The following PPL variants were observed in gnomAD, a reference collection of about 807,000 sequenced individuals.
PPL encodes the protein periplakin.
Under a neutral mutation model 194.4 loss-of-function variants are expected in PPL, and 198 were observed. The observed-to-expected ratio is 1.02, with a 90% CI of 0.91 to 1.15. PPL has a LOEUF of 1.15. Among genes scored for constraint, PPL ranks in the 50% most tolerant of loss-of-function variants. The pLI is 0.00. For missense variants in PPL, 2,885 were observed against 2,294.8 expected, an observed-to-expected ratio of 1.26 and a Z score of -5.25; for synonymous variants, 1,220 against 972.4, an observed-to-expected ratio of 1.25 and a Z score of -4.74.
intron 6 of PPL, among the ~76,000 whole-genome samples, chr16:4,900,434 C>CTTTTTTTATTTTT (rs2088538228): frequency 4.9e-5 from 3 of 61,678 alleles, no homozygotes; most frequent in Non-Finnish European, 6.1e-5. Context: ...TACTGCACGC[C>CTTTTTTTATTTTT]TTTTTTTTTT....
At position 4,887,182 on chromosome 16, in the gene PPL, T is replaced by G. The variant is rs1410598883; in HGVS notation, c.2560A>C (p.Arg854=). ...AACTCCAGATTCTGCAGCCTCTGTC[T>G]GTTGATGGCATAAACTTCAGTGAAC... ...AKFTEVYAIN[R]QRLQNLEFAL... The change falls in exon 21 of 22, where the codon AGA becomes CGA. Residue 854 remains arginine (R), a synonymous_variant. Coordinates refer to ENST00000345988, the MANE Select transcript of PPL (RefSeq NM_002705.5). The G allele has an allele frequency of 3.1e-6, 5 of 1,614,088 alleles. No homozygotes were observed. The highest frequency in any genetic ancestry group is 4.2e-6 in the Non-Finnish European group (5 of 1,180,006).
intron 6 of PPL, among the ~76,000 whole-genome samples, chr16:4,900,114 C>T (rs757880155): frequency 6.6e-6 from 1 of 152,248 alleles, no homozygotes; most frequent in South Asian, 2.1e-4. Context: ...CTCCTTATAG[C>T]GACACAATGC....
At position 4,894,480 on chromosome 16, in the gene PPL, C is replaced by G; in HGVS notation, c.1381G>C (p.Ala461Pro). 1.2e-6 allele frequency: 2 copies of G among 1,613,878 alleles called. No homozygotes were observed. Among genetic ancestry groups the G allele is most frequent in the Non-Finnish European group, 1.7e-6 (2 of 1,179,960 alleles). Residue 461 changes from alanine to proline, a missense_variant, in exon 12 of 22, where the codon GCT becomes CCT. Coordinates refer to ENST00000345988, the MANE Select transcript of PPL (RefSeq NM_002705.5). Reference protein sequence around the residue: ...VIPPTDPEALALADSLGSQYR... With the variant: ...VIPPTDPEALPLADSLGSQYR... ...TTGCCCTTGTACCTGTCAGCCAGAGCCAGGGCCTCAGGGTCTGTGGGGGGG... is the reference window on the plus strand; with the variant it reads ...TTGCCCTTGTACCTGTCAGCCAGAGGCAGGGCCTCAGGGTCTGTGGGGGGG...
chr16:4,908,601 C>T (rs2088753170), intron 2 of PPL, among the ~76,000 whole-genome samples: 1 of 152,104 alleles, frequency 6.6e-6, no homozygotes, highest in South Asian at 2.1e-4. Context: ...GCAGTGGTGT[C>T]ATCTCTGCTC....
At chr16:4,889,867 T>C (rs1395798864) in intron 18 of PPL, among the ~76,000 whole-genome samples, 1 of 152,188 alleles carries the variant, frequency 6.6e-6, no homozygotes, top group Non-Finnish European at 1.5e-5. Context: ...GTCCCAACTT[T>C]GAAAATGGGA....
In PPL at chr16:4,902,632, T is replaced by C; in HGVS notation, c.318-106A>G. ...GCCTCAGTGTCCTGGAAGGACACAG[T>C]GACCATATGGCCTTGGGTTCCAGAC... On this transcript the variant is annotated intron_variant, in intron 3 of 21. Coordinates refer to ENST00000345988, the MANE Select transcript of PPL (RefSeq NM_002705.5). The surrounding 1 kb of genome is among the most constrained non-coding windows in gnomAD (Gnocchi z 4.0). 7.7e-7 allele frequency: 1 copy of C among 1,292,602 alleles called. No individual in the cohort carries two copies. The highest frequency in any genetic ancestry group is 2.5e-5 in the East Asian group (1 of 40,572). 80.1% of individuals were successfully genotyped at this position (1,292,602 alleles called of 1,614,324 possible). A position where few individuals can be genotyped will look rare whatever the true frequency, so the allele number is the denominator to read the frequency against.
intron 1 of PPL, among the ~76,000 whole-genome samples, chr16:4,925,422 C>G (rs762504980): frequency 6.6e-6 from 1 of 152,218 alleles, no homozygotes; most frequent in Non-Finnish European, 1.5e-5. Flanking sequence ...TGCCCAGCGA[C>G]CGCTCAGTCC....
intron 1 of PPL, among the ~76,000 whole-genome samples, chr16:4,927,499 C>T (rs1453023607): frequency 6.6e-6 from 1 of 152,164 alleles, no homozygotes; most frequent in Non-Finnish European, 1.5e-5. Flanking sequence ...GGAACTGAAC[C>T]ACAGCAAGGT....
At chr16:4,901,146 G>A (rs770716628) in intron 4 of PPL, 57 bp from the exon 5 acceptor site, 201 of 1,593,816 alleles carry the variant, frequency 1.3e-4, no homozygotes, top group Non-Finnish European at 1.6e-4. Flanking sequence ...CTGGGGACGT[G>A]TGGCCACCCC....
intron 2 of PPL, among the ~76,000 whole-genome samples, chr16:4,904,362 C>A (rs2088639834): frequency 6.6e-6 from 1 of 152,188 alleles, no homozygotes; most frequent in Non-Finnish European, 1.5e-5. Context: ...GACATGGCCT[C>A]CCTGCCTGGC....
At chr16:4,920,757 G>C (rs79431800) in intron 1 of PPL, among the ~76,000 whole-genome samples, 6 of 152,004 alleles carry the variant, frequency 3.9e-5, no homozygotes, top group Non-Finnish European at 8.8e-5. Flanking sequence ...CACCATACTC[G>C]GCCTCAACTA....
chr16:4,922,010 G>C (rs1220864788), intron 1 of PPL, among the ~76,000 whole-genome samples: 2 of 151,820 alleles, frequency 1.3e-5, no homozygotes, highest in Admixed American at 1.3e-4. Flanking sequence ...AGGTGTCTCG[G>C]GGGACCCTCG....
rs961424075 is a variant in PPL at position 4,902,852 on chromosome 16, G to C, written c.318-326C>G. Reference sequence around the variant, plus strand: ...TTACAGGCATGTGCCACCTCGCCTGGGTAATTTTGTATTTTCAGTAGAGAC... The same window carrying C: ...TTACAGGCATGTGCCACCTCGCCTGCGTAATTTTGTATTTTCAGTAGAGAC... On this transcript the variant is annotated intron_variant, in intron 3 of 21. Transcript: ENST00000345988. This position sits in a 1 kb window ranked among gnomAD's most constrained non-coding sequence, Gnocchi z 4.0. 2.4e-4 allele frequency among the ~76,000 whole-genome samples: 37 copies of C among 152,150 alleles called. No individual in the cohort carries two copies. The highest frequency in any genetic ancestry group is 1.5e-5 in the Non-Finnish European group (1 of 68,016).
intron 8 of PPL, 75 bp from the exon 9 acceptor site, chr16:4,897,845 G>C: frequency 7.9e-7 from 1 of 1,258,486 alleles, no homozygotes; most frequent in Non-Finnish European, 1.1e-6. Flanking sequence ...CTGGGATATT[G>C]GGCTGGGGCA....
At position 4,899,239 on chromosome 16, in the gene PPL, C is replaced by G. The variant is rs61734749; in HGVS notation, c.752G>C (p.Arg251Pro). ...WSDRNLDYPS[R>P]RRQYENFINR... ...AGAACCCACCTCATACTGGCGCCGG[C>G]GGCTGGGGTAGTCGAGGTTGCGGTC... is the stretch of plus-strand genomic sequence containing the variant. Residue 251 changes from arginine to proline, a missense_variant, in exon 7 of 22, where the codon CGC becomes CCC. Coordinates refer to ENST00000345988, the MANE Select transcript of PPL (RefSeq NM_002705.5). The G allele has an allele frequency of 6.2e-7, 1 of 1,613,850 alleles. No individual in the cohort carries two copies. Among genetic ancestry groups the G allele is most frequent in the Non-Finnish European group, 8.5e-7 (1 of 1,179,940 alleles).
At chr16:4,920,132 A>C (rs2089007243) in intron 1 of PPL, among the ~76,000 whole-genome samples, 1 of 151,474 alleles carries the variant, frequency 6.6e-6, no homozygotes, top group African/African-American at 2.4e-5. Flanking sequence ...AAAATACAAA[A>C]AATTAGCTGG....
intron 8 of PPL, 62 bp downstream of exon 8, chr16:4,898,951 C>G (rs1359597190): frequency 1.4e-6 from 2 of 1,428,854 alleles, no homozygotes; most frequent in Non-Finnish European, 2.0e-6. Flanking sequence ...CCAGGCGGCC[C>G]ACAGGCAGCG....
At chr16:4,904,087 G>A (rs777462298) in intron 2 of PPL, 47 bp from the exon 3 acceptor site, 2 of 1,574,920 alleles carry the variant, frequency 1.3e-6, no homozygotes, top group South Asian at 1.1e-5. Context: ...GCCGAGAGCG[G>A]GCACGGTGGC....
chr16:4,918,717 G>C (rs1272869832), intron 1 of PPL, among the ~76,000 whole-genome samples: 5 of 152,212 alleles, frequency 3.3e-5, no homozygotes, highest in Non-Finnish European at 5.9e-5. Flanking sequence ...CACAGTCTCA[G>C]CGTTTTTGCC....
Sources: gnomAD v4.1 joint callset for allele counts (sites outside exome capture counted in the v4.1 genomes callset) on GRCh38, gnomAD v4.1.1 for gene constraint, Gnocchi (gnomAD v3.1) non-coding constraint, MANE v1.5 for transcripts, NCBI Gene and HGNC (gene_info 2026-07-23, HGNC 2026-07-21) for gene names.